Variants in USP13 observed in about 807,000 individuals in gnomAD.
USP13 encodes ubiquitin specific peptidase 13.
Under a neutral mutation model 107.8 loss-of-function variants are expected in USP13, and 68 were observed. The ratio of observed to expected loss-of-function variants is 0.63; its 90% confidence interval spans 0.52 to 0.77. USP13 has a LOEUF of 0.77. Ranked by LOEUF, USP13 falls within the 30% of genes least tolerant of loss-of-function variation. The pLI, the probability that USP13 is intolerant of heterozygous loss-of-function variation, is 0.00. For synonymous variants in USP13, 377 were observed against 389.5 expected, an observed-to-expected ratio of 0.97 and a Z score of 0.38; for missense variants, 945 against 1,093.3, an observed-to-expected ratio of 0.86 and a Z score of 1.91.
At chr3:179,715,724 T>C (rs999842925) in intron 6 of USP13, among the ~76,000 whole-genome samples, 2 of 152,102 alleles carry the variant, frequency 1.3e-5, no homozygotes, top group African/African-American at 2.4e-5. Context: ...TTCCTGTCTG[T>C]TGCAGATGGC....
chr3:179,732,124 A>G (rs1353882856), intron 10 of USP13, among the ~76,000 whole-genome samples: 1 of 152,202 alleles, frequency 6.6e-6, no homozygotes, highest in Non-Finnish European at 1.5e-5. Context: ...GGGTATGGGA[A>G]TAGGAAGAAC....
chr3:179,672,390 CT>C (rs1231843720), intron 1 of USP13, among the ~76,000 whole-genome samples: 214 of 139,242 alleles, frequency 1.5e-3, no homozygotes, highest in Admixed American at 2.2e-3. Flanking sequence ...CTTTTTTTTT[CT>C]TTTTTTTTTT....
chr3:179,707,893 G>A (rs943783231), intron 5 of USP13, among the ~76,000 whole-genome samples: 5 of 152,200 alleles, frequency 3.3e-5, no homozygotes, highest in African/African-American at 1.2e-4. Flanking sequence ...TTCTCCGTTT[G>A]TAAAAATAGA....
At position 179,761,111 on chromosome 3, in the gene USP13, G is replaced by A. The variant is rs376679532; in HGVS notation, c.1949-1G>A. The A allele has an allele frequency of 6.2e-7, 1 of 1,614,170 alleles. No individual in the cohort carries two copies. The highest frequency in any genetic ancestry group is 8.5e-7 in the Non-Finnish European group (1 of 1,180,016). On this transcript the variant is annotated splice_acceptor_variant, in intron 16 of 20. Coordinates refer to ENST00000263966, the MANE Select transcript of USP13 (RefSeq NM_003940.3). LOFTEE classifies it high-confidence loss of function. ...CTAGAATATCCTGTTGTGCTCTGTA[G>A]CATCAGACATCGATGAGTCATCAGT... is the stretch of plus-strand genomic sequence containing the variant.
intron 14 of USP13, among the ~76,000 whole-genome samples, chr3:179,753,612 A>G (rs759798797): frequency 6.6e-6 from 1 of 152,202 alleles, no homozygotes; most frequent in Non-Finnish European, 1.5e-5. Context: ...CTTAAGGAGC[A>G]GTTGTATTGA....
intron 1 of USP13, among the ~76,000 whole-genome samples, chr3:179,660,863 T>C (rs1454094255): frequency 3.3e-5 from 5 of 152,232 alleles, no homozygotes; most frequent in Non-Finnish European, 5.9e-5. Flanking sequence ...GTCAAAAGCT[T>C]CCTTCCAAAA....
chr3:179,686,303 C>T (rs187793759), intron 2 of USP13, among the ~76,000 whole-genome samples: 2 of 152,336 alleles, frequency 1.3e-5, no homozygotes, highest in Admixed American at 6.5e-5. Context: ...GTCCTGGAAG[C>T]TCACTCAGTG....
chr3:179,723,282 G>A lies in USP13; in HGVS notation c.1088+1693G>A, dbSNP rs551634753. The stretch of plus-strand genomic sequence containing the variant: ...TTTTCTGGCTTTGAAAATTTATGGT[G>A]CATTTTCTATGTCTATTTTTCATTT... On this transcript the variant is annotated intron_variant, in intron 8 of 20. Transcript: ENST00000263966. 1.1e-4 allele frequency among the ~76,000 whole-genome samples: 17 copies of A among 152,238 alleles called. No homozygotes were observed. In the South Asian group the frequency reaches 3.5e-3, roughly 32 times the overall value.
At chr3:179,691,870 A>G (rs892761435) in intron 3 of USP13, among the ~76,000 whole-genome samples, 4 of 152,206 alleles carry the variant, frequency 2.6e-5, no homozygotes, top group Admixed American at 2.0e-4. Flanking sequence ...AGCTTCTGAT[A>G]TGGTTTTCTC....
chr3:179,658,699 A>C (rs1207570695), intron 1 of USP13, among the ~76,000 whole-genome samples: 1 of 152,226 alleles, frequency 6.6e-6, no homozygotes, highest in Non-Finnish European at 1.5e-5. Context: ...AATGTGCCTC[A>C]GAATTGTCCA....
At chr3:179,745,628 C>T (rs1260189690) in intron 13 of USP13, among the ~76,000 whole-genome samples, 1 of 151,872 alleles carries the variant, frequency 6.6e-6, no homozygotes, top group Non-Finnish European at 1.5e-5. Flanking sequence ...ATCCCCTACC[C>T]GCAAATGGCA....
intron 6 of USP13, among the ~76,000 whole-genome samples, chr3:179,712,470 A>C (rs181211128): frequency 1.1e-4 from 16 of 152,186 alleles, no homozygotes; most frequent in Non-Finnish European, 1.9e-4. Flanking sequence ...TAATCAGTTC[A>C]TACACACACA....
chr3:179,713,865 G>A (rs1713012512), intron 6 of USP13, among the ~76,000 whole-genome samples: 3 of 152,148 alleles, frequency 2.0e-5, no homozygotes, highest in South Asian at 4.1e-4. Flanking sequence ...ATGAGACACT[G>A]CTACTCATCC....
At chr3:179,730,365 T>C (rs185543219) in intron 9 of USP13, 105 bp downstream of exon 9, 1 of 1,222,736 alleles carries the variant, frequency 8.2e-7, no homozygotes, top group African/African-American at 1.5e-5. Context: ...CTTCATGTAT[T>C]TTTAAAAAAG....
intron 1 of USP13, among the ~76,000 whole-genome samples, chr3:179,666,648 C>A (rs750546218): frequency 6.6e-6 from 1 of 152,214 alleles, no homozygotes; most frequent in Non-Finnish European, 1.5e-5. Context: ...TCCTGCCCCG[C>A]AGGAAAGCTT....
rs112167385 is a variant in USP13 at position 179,751,362 on chromosome 3, T to C, written c.1710-923T>C. Among the ~76,000 whole-genome samples, 1,097 of 152,316 alleles carry C rather than the reference T, an allele frequency of 7.2e-3. 14 individuals carry two copies. Among genetic ancestry groups the C allele is most frequent in the Non-Finnish European group, 0.011 (748 of 68,028 alleles). On this transcript the variant is annotated intron_variant, in intron 13 of 20. Coordinates refer to ENST00000263966, the MANE Select transcript of USP13 (RefSeq NM_003940.3). ...TTTTTTGGATACTTATCCCATAATA[T>C]GTCTACCCCTAGGATCCATGTGGCC...
At chr3:179,750,326 G>GTATATATATATATATATATGTGTGTA (rs1714564073) in intron 13 of USP13, among the ~76,000 whole-genome samples, 3 of 75,828 alleles carry the variant, frequency 4.0e-5, no homozygotes, top group African/African-American at 1.2e-4. Context: ...ATATATGTGT[G>GTATATATATATATATATATGTGTGTA]TATATATATA....
intron 1 of USP13, among the ~76,000 whole-genome samples, chr3:179,675,699 C>T (rs948186209): frequency 5.9e-5 from 9 of 151,908 alleles, no homozygotes; most frequent in East Asian, 1.9e-4. Flanking sequence ...AAGCGTGTTC[C>T]GCCACGCCTG....
intron 8 of USP13, among the ~76,000 whole-genome samples, chr3:179,726,241 G>C (rs769825751): frequency 2.0e-5 from 3 of 152,152 alleles, no homozygotes; most frequent in Non-Finnish European, 4.4e-5. Flanking sequence ...GCATGACCTT[G>C]AGACATGAGC....
Sources: allele counts gnomAD v4.1 joint callset (sites outside exome capture counted in the v4.1 genomes callset), GRCh38; gene constraint gnomAD v4.1.1; transcripts MANE v1.5; gene names NCBI Gene and HGNC (gene_info 2026-07-23, HGNC 2026-07-21).